Variants in EPHA3 observed in about 807,000 individuals in gnomAD.
EPHA3 encodes the protein EPH receptor A3.
Under a neutral mutation model 107.1 loss-of-function variants are expected in EPHA3, and 42 were observed. The observed-to-expected ratio is 0.39, with a 90% CI of 0.31 to 0.51. The LOEUF is 0.51. EPHA3 is among the 20% of genes least tolerant of loss of function. The pLI, the probability that EPHA3 is intolerant of heterozygous loss-of-function variation, is 0.78. For missense variants in EPHA3, 1,183 were observed against 1,211.2 expected (o/e 0.98, Z 0.35); for synonymous variants, 461 against 424.8 (o/e 1.09, Z -1.05).
At chr3:89,256,351 A>G (rs1268548083) in intron 3 of EPHA3, among the ~76,000 whole-genome samples, 1 of 152,018 alleles carries the variant, frequency 6.6e-6, no homozygotes, top group Admixed American at 6.6e-5. Context: ...ATTCAAGACC[A>G]GTGTGGACAA....
intron 2 of EPHA3, among the ~76,000 whole-genome samples, chr3:89,139,773 G>T (rs945977962): frequency 2.0e-5 from 3 of 151,618 alleles, no homozygotes; most frequent in African/African-American, 7.3e-5. Flanking sequence ...TCTGGGTCTG[G>T]GTTCGGTGCT....
At chr3:89,261,734 C>G (rs762652866) in intron 3 of EPHA3, among the ~76,000 whole-genome samples, 12 of 152,006 alleles carry the variant, frequency 7.9e-5, no homozygotes, top group Non-Finnish European at 1.5e-4. Context: ...ATTTATAACT[C>G]TAGTATATTG....
At chr3:89,455,397 A>T (rs559438501) in intron 15 of EPHA3, among the ~76,000 whole-genome samples, 20 of 152,336 alleles carry the variant, frequency 1.3e-4, no homozygotes, top group African/African-American at 4.8e-4. Context: ...AGTTCTAGGA[A>T]GTGGCAGAGA....
chr3:89,319,500 A>G (rs952684743), intron 3 of EPHA3, among the ~76,000 whole-genome samples: 1 of 152,000 alleles, frequency 6.6e-6, no homozygotes, highest in African/African-American at 2.4e-5. Flanking sequence ...ACACTATACT[A>G]AAATAGAAGC....
intron 2 of EPHA3, among the ~76,000 whole-genome samples, chr3:89,184,182 T>C (rs1430478208): frequency 6.6e-6 from 1 of 152,016 alleles, no homozygotes; most frequent in Non-Finnish European, 1.5e-5. Context: ...AGATAGAAAT[T>C]GAAAGAAACC....
intron 3 of EPHA3, among the ~76,000 whole-genome samples, chr3:89,228,720 A>T (rs2107220518): frequency 6.6e-6 from 1 of 152,050 alleles, no homozygotes; most frequent in Admixed American, 6.6e-5. Context: ...TGGATGAGTA[A>T]CCCATAAACA....
intron 5 of EPHA3, among the ~76,000 whole-genome samples, chr3:89,364,839 C>G (rs1386298315): frequency 1.3e-5 from 2 of 150,874 alleles, no homozygotes; most frequent in African/African-American, 2.4e-5. Context: ...ACTGAGTTAT[C>G]TTTTCTTCTG....
At chr3:89,311,989 A>T (rs531542151) in intron 3 of EPHA3, among the ~76,000 whole-genome samples, 6 of 152,170 alleles carry the variant, frequency 3.9e-5, no homozygotes, top group African/African-American at 1.4e-4. Context: ...AGGGGCACAG[A>T]AAACAAAAAC....
At chr3:89,426,527 C>T (rs1038902254) in intron 11 of EPHA3, among the ~76,000 whole-genome samples, 9 of 151,714 alleles carry the variant, frequency 5.9e-5, no homozygotes, top group African/African-American at 1.2e-4. Flanking sequence ...GTTAAATGCA[C>T]GCTGATGTGA....
chr3:89,142,016 G>A (rs1184361394), intron 2 of EPHA3, among the ~76,000 whole-genome samples: 1 of 151,282 alleles, frequency 6.6e-6, no homozygotes, highest in Non-Finnish European at 1.5e-5. Flanking sequence ...TTTGGAGGTA[G>A]AGTATATATA....
rs76503395 is a variant in EPHA3, at chr3:89,453,058, C to A, written c.2690+2688C>A. 5.9e-5 allele frequency among the ~76,000 whole-genome samples: 9 copies of A among 152,068 alleles called. No homozygotes were observed. The East Asian group carries it at 1.5e-3, about 26-fold the overall frequency. On this transcript the variant is annotated intron_variant, in intron 15 of 16. Coordinates refer to ENST00000336596, the MANE Select transcript of EPHA3 (RefSeq NM_005233.6). ...TTATTCCATAAGGATAAATATCTAT[C>A]CCAAACTTCACAGAGACTGTATAGA...
At chr3:89,440,761 CT>C (rs1280722951) in intron 13 of EPHA3, among the ~76,000 whole-genome samples, 1 of 152,252 alleles carries the variant, frequency 6.6e-6, no homozygotes, top group East Asian at 1.9e-4. Context: ...TATGTAGTGC[CT>C]TTTTCCAGAG....
chr3:89,385,149 A>C (rs1708590522), intron 5 of EPHA3, among the ~76,000 whole-genome samples: 1 of 152,124 alleles, frequency 6.6e-6, no homozygotes, highest in East Asian at 1.9e-4. Flanking sequence ...TTTCATTATG[A>C]AAAAAAATTA....
At chr3:89,326,260 T>C (rs1257040264) in intron 3 of EPHA3, among the ~76,000 whole-genome samples, 2 of 152,178 alleles carry the variant, frequency 1.3e-5, no homozygotes, top group Non-Finnish European at 2.9e-5. Flanking sequence ...GCCTATTGCA[T>C]GCTTCCATAT....
intron 3 of EPHA3, among the ~76,000 whole-genome samples, chr3:89,324,974 T>C (rs541669138): frequency 3.3e-4 from 51 of 152,262 alleles, no homozygotes; most frequent in Non-Finnish European, 6.9e-4. Context: ...TGTTCCTGCC[T>C]AATTCACTTC....
At chr3:89,274,037 C>T (rs1705745497) in intron 3 of EPHA3, among the ~76,000 whole-genome samples, 1 of 151,936 alleles carries the variant, frequency 6.6e-6, no homozygotes, top group Non-Finnish European at 1.5e-5. Context: ...TTGACCTCAG[C>T]TGAGAACATG....
chr3:89,262,202 T>C (rs76793324), intron 3 of EPHA3, among the ~76,000 whole-genome samples: 1,525 of 152,228 alleles, frequency 0.01, 15 homozygotes, highest in Non-Finnish European at 0.016. Context: ...AAAATAAAAA[T>C]ATATCAGAAT....
chr3:89,431,753 T>G (rs1267988039), intron 13 of EPHA3, among the ~76,000 whole-genome samples: 1 of 152,150 alleles, frequency 6.6e-6, no homozygotes, highest in East Asian at 1.9e-4. Flanking sequence ...AATTTTTTAA[T>G]AAGTAATACC....
intron 3 of EPHA3, among the ~76,000 whole-genome samples, chr3:89,314,388 A>G (rs139831382): frequency 6.6e-6 from 1 of 151,410 alleles, no homozygotes; most frequent in African/African-American, 2.4e-5. Context: ...GGCAAATAAG[A>G]TTTTTTTTTC....
Sources: allele counts gnomAD v4.1 joint callset (sites outside exome capture counted in the v4.1 genomes callset), GRCh38; gene constraint gnomAD v4.1.1; transcripts MANE v1.5; gene names NCBI Gene and HGNC (gene_info 2026-07-23, HGNC 2026-07-21).